TNRC6A: variants seen among roughly 807,000 people sequenced by gnomAD.
TNRC6A encodes trinucleotide repeat containing adaptor 6A, also known as trinucleotide repeat-containing gene 6A protein.
In TNRC6A, 44 loss-of-function variants were observed where a neutral mutation model predicts 221.2. That is an observed-to-expected ratio of 0.20 (90% CI 0.16 to 0.26). The LOEUF (loss-of-function observed/expected upper bound fraction) is 0.26, where lower values mean the gene tolerates loss of function less well. Among genes scored for constraint, TNRC6A ranks in the 10% least tolerant of loss-of-function variants. TNRC6A has a pLI of 1.00. For synonymous variants in TNRC6A, 847 were observed against 838.5 expected, an observed-to-expected ratio of 1.01 and a Z score of -0.18; for missense variants, 2,199 against 2,404.4, an observed-to-expected ratio of 0.91 and a Z score of 1.79.
At chr16:24,686,174 G>A (rs1394162401) in intron 2 of TNRC6A, among the ~76,000 whole-genome samples, 1 of 152,158 alleles carries the variant, frequency 6.6e-6, no homozygotes. Context: ...GCGATTTCCT[G>A]TCCTGGTTTT....
At chr16:24,728,857 A>G (rs1353067264), upstream of TNRC6A, among the ~76,000 whole-genome samples, 2 of 151,994 alleles carry the variant, frequency 1.3e-5, no homozygotes, top group Non-Finnish European at 2.9e-5. Flanking sequence ...GCTACGTTGG[A>G]ACCTGCTTTT....
At chr16:24,724,806 C>T (rs2056466053), upstream of TNRC6A, among the ~76,000 whole-genome samples, 1 of 152,030 alleles carries the variant, frequency 6.6e-6, no homozygotes, top group Non-Finnish European at 1.5e-5. Flanking sequence ...CATGTTTATA[C>T]ATTACTGTGA....
intron 4 of TNRC6A, among the ~76,000 whole-genome samples, 196 bp downstream of exon 4, chr16:24,758,556 T>G (rs973692830): frequency 8.5e-5 from 13 of 152,066 alleles, no homozygotes; most frequent in Non-Finnish European, 1.3e-4. Context: ...ACATTTAGAG[T>G]GCACTGCCTC....
chr16:24,807,391 GTCTTAA>G (rs2058456192), intron 17 of TNRC6A, among the ~76,000 whole-genome samples: 1 of 152,162 alleles, frequency 6.6e-6, no homozygotes, highest in African/African-American at 2.4e-5. Context: ...AGGACTAGCT[GTCTTAA>G]TCTTAAGTAG....
At chr16:24,786,580 C>G (rs893628798) in intron 5 of TNRC6A, among the ~76,000 whole-genome samples, 10 of 152,062 alleles carry the variant, frequency 6.6e-5, no homozygotes, top group African/African-American at 2.2e-4. Context: ...CCCTAAAATG[C>G]TGGGATTACA....
chr16:24,671,264 G>T (rs1021450210), intron 2 of TNRC6A, among the ~76,000 whole-genome samples: 1 of 152,168 alleles, frequency 6.6e-6, no homozygotes, highest in Non-Finnish European at 1.5e-5. Flanking sequence ...AACTCCAGTT[G>T]CTGGAGGGGC....
At chr16:24,674,354 A>G (rs1350018738) in intron 2 of TNRC6A, among the ~76,000 whole-genome samples, 1 of 152,290 alleles carries the variant, frequency 6.6e-6, no homozygotes, top group South Asian at 2.1e-4. Context: ...ACGGTGAGCT[A>G]TGATCATGCC....
At chr16:24,728,299 T>C (rs897303505), upstream of TNRC6A, among the ~76,000 whole-genome samples, 10 of 151,998 alleles carry the variant, frequency 6.6e-5, no homozygotes, top group African/African-American at 2.4e-4. Context: ...AATACAAAAA[T>C]AGCTAGGCGC....
At chr16:24,734,668 C>T (rs934423378) in intron 2 of TNRC6A, among the ~76,000 whole-genome samples, 1 of 152,148 alleles carries the variant, frequency 6.6e-6, no homozygotes, top group Non-Finnish European at 1.5e-5. Context: ...TCTAGTATTC[C>T]TCCCATGTGC....
At chr16:24,778,593 A>G in intron 5 of TNRC6A, 2 of 632,588 alleles carry the variant, frequency 3.2e-6, no homozygotes, top group Non-Finnish European at 3.9e-6. Context: ...GCCATAACAC[A>G]TCTGACCTTC....
At chr16:24,797,624 A>G in intron 10 of TNRC6A, 54 bp downstream of exon 10, 2 of 1,354,578 alleles carry the variant, frequency 1.5e-6, no homozygotes, top group Non-Finnish European at 2.1e-6. Context: ...TCCATGATTT[A>G]TCTTGATTTC....
chr16:24,741,667 C>T (rs779831345), intron 2 of TNRC6A, among the ~76,000 whole-genome samples: 2 of 152,152 alleles, frequency 1.3e-5, no homozygotes, highest in Non-Finnish European at 2.9e-5. Context: ...TTTGCGTCCA[C>T]CTAATTCTGC....
intron 1 of TNRC6A, among the ~76,000 whole-genome samples, chr16:24,613,525 T>TTTTA: frequency 8.4e-6 from 1 of 118,432 alleles, no homozygotes; most frequent in African/African-American, 3.1e-5. Context: ...TTTTATTTTA[T>TTTTA]TTTATTTACT....
intron 2 of TNRC6A, among the ~76,000 whole-genome samples, chr16:24,741,237 G>A (rs1007888367): frequency 2.0e-5 from 3 of 152,172 alleles, no homozygotes; most frequent in African/African-American, 7.2e-5. Context: ...TCCTAATCTT[G>A]AGGAAAAGTA....
chr16:24,712,676 T>A (rs1408659759), intron 2 of TNRC6A, among the ~76,000 whole-genome samples: 3 of 152,250 alleles, frequency 2.0e-5, no homozygotes, highest in African/African-American at 7.2e-5. Context: ...AAGTTAATTT[T>A]ACCCTTTTTG....
intron 2 of TNRC6A, among the ~76,000 whole-genome samples, chr16:24,644,081 ATTTT>A (rs748251760): frequency 9.8e-5 from 8 of 81,564 alleles, no homozygotes; most frequent in East Asian, 3.4e-4. Flanking sequence ...CTTATCTTTA[ATTTT>A]TTTTTTTTTT....
chr16:24,773,732 GTTT>G (rs561033697), intron 4 of TNRC6A, among the ~76,000 whole-genome samples: 84 of 151,490 alleles, frequency 5.5e-4, no homozygotes, highest in Non-Finnish European at 9.4e-4. Flanking sequence ...CTTTTTAGTT[GTTT>G]TTTTTATTAT....
At chr16:24,676,130 A>G (rs1029348545) in intron 2 of TNRC6A, among the ~76,000 whole-genome samples, 1 of 152,070 alleles carries the variant, frequency 6.6e-6, no homozygotes, top group Non-Finnish European at 1.5e-5. Context: ...AAAAGAATCA[A>G]AAATGATTTA....
chr16:24,811,115 T>C (rs977056176), intron 18 of TNRC6A, among the ~76,000 whole-genome samples: 13 of 152,166 alleles, frequency 8.5e-5, no homozygotes, highest in African/African-American at 2.9e-4. Context: ...CACTCTTAGC[T>C]GGCAGAGTAG....
Sources: allele counts gnomAD v4.1 joint callset (sites outside exome capture counted in the v4.1 genomes callset), GRCh38; gene constraint gnomAD v4.1.1; transcripts MANE v1.5; gene names NCBI Gene and HGNC (gene_info 2026-07-23, HGNC 2026-07-21).